ST6GALNAC3: variants seen among roughly 807,000 people sequenced by gnomAD.
ST6GALNAC3 encodes alpha-N-acetylgalactosaminide alpha-2,6-sialyltransferase 3.
A neutral mutation model predicts 32.7 loss-of-function variants in ST6GALNAC3; 25 were observed. The ratio of observed to expected loss-of-function variants is 0.76; its 90% CI spans 0.56 to 1.07. The LOEUF (loss-of-function observed/expected upper bound fraction) is 1.07, where lower values mean the gene tolerates loss of function less well. Ranked by LOEUF, ST6GALNAC3 falls within the 50% of genes least tolerant of loss-of-function variation. The probability of loss-of-function intolerance (pLI) is 0.00; values close to 1 mark genes in which losing one functional copy is unlikely to be tolerated. For synonymous variants in ST6GALNAC3, 129 were observed against 133.1 expected (o/e 0.97, Z 0.21); for missense variants, 355 against 382.4 (o/e 0.93, Z 0.60).
intron 3 of ST6GALNAC3, among the ~76,000 whole-genome samples, chr1:76,455,424 G>T (rs947806391): frequency 6.6e-6 from 1 of 152,162 alleles, no homozygotes; most frequent in Non-Finnish European, 1.5e-5. Flanking sequence ...TGGTCTTGCT[G>T]AGCCAGCCCT....
At chr1:76,589,856 T>C (rs1373791529) in intron 3 of ST6GALNAC3, among the ~76,000 whole-genome samples, 1 of 151,922 alleles carries the variant, frequency 6.6e-6, no homozygotes, top group Non-Finnish European at 1.5e-5. Flanking sequence ...ATGCATCTAG[T>C]TTTTGTCCAT....
chr1:76,472,690 C>T (rs956548308), intron 3 of ST6GALNAC3, among the ~76,000 whole-genome samples: 5 of 152,082 alleles, frequency 3.3e-5, no homozygotes, highest in Admixed American at 6.6e-5. Flanking sequence ...AATGAGTTCA[C>T]GTGGATAAGA....
intron 1 of ST6GALNAC3, among the ~76,000 whole-genome samples, chr1:76,171,296 T>C (rs1346319019): frequency 1.3e-5 from 2 of 152,092 alleles, no homozygotes; most frequent in African/African-American, 4.8e-5. Flanking sequence ...AAAAACAACT[T>C]CTTTTAATTT....
intron 3 of ST6GALNAC3, among the ~76,000 whole-genome samples, chr1:76,524,271 C>A (rs1019994686): frequency 5.3e-5 from 8 of 152,122 alleles, no homozygotes; most frequent in Non-Finnish European, 1.2e-4. Flanking sequence ...AATGTCTTGT[C>A]AGTAGTAATT....
chr1:76,603,496 T>A, intron 3 of ST6GALNAC3, among the ~76,000 whole-genome samples: 1 of 152,196 alleles, frequency 6.6e-6, no homozygotes, highest in Non-Finnish European at 1.5e-5. Context: ...ATGCCGTTTA[T>A]GTAAAGGTGA....
intron 3 of ST6GALNAC3, among the ~76,000 whole-genome samples, chr1:76,428,809 G>C (rs1391607662): frequency 6.6e-6 from 1 of 152,050 alleles, no homozygotes; most frequent in Non-Finnish European, 1.5e-5. Context: ...GTGACAATTA[G>C]ATCTAATTAA....
At chr1:76,499,497 GTC>G (rs1330506556) in intron 3 of ST6GALNAC3, among the ~76,000 whole-genome samples, 2 of 151,814 alleles carry the variant, frequency 1.3e-5, no homozygotes, top group African/African-American at 4.8e-5. Flanking sequence ...TATCTTTCAG[GTC>G]TTTCCCAGGT....
intron 1 of ST6GALNAC3, among the ~76,000 whole-genome samples, chr1:76,307,478 A>T (rs1661131774): frequency 6.6e-6 from 1 of 152,134 alleles, no homozygotes; most frequent in South Asian, 2.1e-4. Flanking sequence ...AGCGTTTGAT[A>T]AAATCACAAA....
chr1:76,273,769 C>G (rs1363662464), intron 1 of ST6GALNAC3, among the ~76,000 whole-genome samples: 7 of 152,172 alleles, frequency 4.6e-5, no homozygotes, highest in Non-Finnish European at 7.3e-5. Context: ...ATCCATGAAT[C>G]TCACTTTTGG....
intron 3 of ST6GALNAC3, among the ~76,000 whole-genome samples, chr1:76,446,511 G>A (rs1656979496): frequency 6.6e-6 from 1 of 152,042 alleles, no homozygotes; most frequent in African/African-American, 2.4e-5. Flanking sequence ...ACTAACCTCT[G>A]GCGACCACGG....
intron 1 of ST6GALNAC3, among the ~76,000 whole-genome samples, chr1:76,224,058 A>C (rs776781682): frequency 1.3e-5 from 2 of 152,176 alleles, no homozygotes; most frequent in Non-Finnish European, 2.9e-5. Context: ...CCGTGACGTG[A>C]GACTCACCCC....
At chr1:76,496,051 T>C (rs1557489947) in intron 3 of ST6GALNAC3, among the ~76,000 whole-genome samples, 1 of 152,150 alleles carries the variant, frequency 6.6e-6, no homozygotes, top group Admixed American at 6.6e-5. Context: ...CAAATCAAAA[T>C]TGCAATTATT....
At chr1:76,560,930 A>G (rs1665209280) in intron 3 of ST6GALNAC3, among the ~76,000 whole-genome samples, 1 of 151,566 alleles carries the variant, frequency 6.6e-6, no homozygotes, top group Non-Finnish European at 1.5e-5. Flanking sequence ...TTGGAAGCCA[A>G]AACTTGGAAG....
Position 76,452,458 on chromosome 1 carries a change from G to A in ST6GALNAC3, c.623+40041G>A, listed in dbSNP as rs562268414. Among the ~76,000 whole-genome samples, 175 of 152,186 alleles carry A rather than the reference G, an allele frequency of 1.1e-3. 1 individual carries two copies. The highest frequency in any genetic ancestry group is 3.8e-3 in the African/African-American group (159 of 41,510). On this transcript the variant is annotated intron_variant, in intron 3 of 4. Coordinates refer to ENST00000328299, the MANE Select transcript of ST6GALNAC3 (RefSeq NM_152996.4). ...TTGCATTAAGTTATGTCCCTTCTACGCTGATTTTGCTGAGGGTTTTAATTA... is the reference window on the plus strand; with the variant it reads ...TTGCATTAAGTTATGTCCCTTCTACACTGATTTTGCTGAGGGTTTTAATTA...
chr1:76,385,174 G>C (rs1218918067), intron 2 of ST6GALNAC3, among the ~76,000 whole-genome samples: 1 of 152,088 alleles, frequency 6.6e-6, no homozygotes, highest in African/African-American at 2.4e-5. Context: ...AGCATTTTCT[G>C]GGTAAAGAAA....
At chr1:76,343,897 A>G (rs1158380758) in intron 2 of ST6GALNAC3, among the ~76,000 whole-genome samples, 1 of 152,240 alleles carries the variant, frequency 6.6e-6, no homozygotes, top group African/African-American at 2.4e-5. Flanking sequence ...GCAACCTATG[A>G]GAATTGCTTC....
chr1:76,412,541 C>G, intron 3 of ST6GALNAC3, 124 bp downstream of exon 3: 1 of 1,079,876 alleles, frequency 9.3e-7, no homozygotes, highest in Non-Finnish European at 1.3e-6. Flanking sequence ...TATGTTTTGA[C>G]TATTATGATT....
chr1:76,538,482 C>T (rs315072), intron 3 of ST6GALNAC3, among the ~76,000 whole-genome samples: 24,342 of 152,040 alleles, frequency 0.16, 2,871 homozygotes, highest in African/African-American at 0.33. Flanking sequence ...CCCTCTCTCA[C>T]CACTCCTATT....
At chr1:76,082,753 G>A (rs978599606) in intron 1 of ST6GALNAC3, among the ~76,000 whole-genome samples, 21 of 152,114 alleles carry the variant, frequency 1.4e-4, no homozygotes, top group African/African-American at 3.6e-4. Context: ...TTCATTTCCT[G>A]TGTGATGTGG....
Sources: gnomAD v4.1 joint callset for allele counts (sites outside exome capture counted in the v4.1 genomes callset) on GRCh38, gnomAD v4.1.1 for gene constraint, MANE v1.5 for transcripts, NCBI Gene and HGNC (gene_info 2026-07-23, HGNC 2026-07-21) for gene names.